CCNB2: variants seen among roughly 807,000 people sequenced by gnomAD.
CCNB2 encodes the protein G2/mitotic-specific cyclin-B2.
A neutral mutation model predicts 51.1 loss-of-function variants in CCNB2; 39 were observed. The ratio of observed to expected loss-of-function variants is 0.76; its 90% CI spans 0.59 to 1.00. The LOEUF (loss-of-function observed/expected upper bound fraction) is 1.00, where lower values mean the gene tolerates loss of function less well. Ranked by LOEUF, CCNB2 falls within the 50% of genes least tolerant of loss-of-function variation. The pLI is 0.00. For synonymous variants in CCNB2, 174 were observed against 165.5 expected (o/e 1.05, Z -0.40); for missense variants, 472 against 470.3 (o/e 1.00, Z -0.03).
intron 3 of CCNB2, among the ~76,000 whole-genome samples, chr15:59,113,262 T>C (rs1164494749): frequency 6.6e-6 from 1 of 152,212 alleles, no homozygotes; most frequent in Non-Finnish European, 1.5e-5. Context: ...AGTTTTTCAA[T>C]TTAGAATAAA....
At chr15:59,114,027 T>G (rs961721381) in intron 3 of CCNB2, among the ~76,000 whole-genome samples, 26 of 152,170 alleles carry the variant, frequency 1.7e-4, no homozygotes, top group African/African-American at 4.8e-5. Context: ...GGAGTTAGGA[T>G]AGACCCCATT....
Position 59,107,327 on chromosome 15 carries a change from C to A in CCNB2, c.30C>A (p.Ser10=). The A allele has an allele frequency of 1.9e-6, 3 of 1,566,420 alleles. No individual in the cohort carries two copies. Among genetic ancestry groups the A allele is most frequent in the South Asian group, 1.2e-5 (1 of 83,940 alleles). The change falls in exon 2 of 9, where the codon TCC becomes TCA. Residue 10 remains serine (S), a synonymous_variant. Transcript: ENST00000288207. The part of the protein sequence containing the change: MALLRRPTV[S]SDLENIDTGV... ...CTTTTTTTTTTTTTTTTCAGGTGTC[C>A]AGTGATTTGGAGAATATTGACACAG...
intron 1 of CCNB2, among the ~76,000 whole-genome samples, chr15:59,107,030 T>C (rs1264230311): frequency 3.3e-5 from 5 of 152,234 alleles, no homozygotes. Context: ...CATTAAATAC[T>C]AATAAGCTTT....
intron 7 of CCNB2, among the ~76,000 whole-genome samples, chr15:59,122,524 CTTTTTT>C (rs547047403): frequency 2.2e-5 from 3 of 138,530 alleles, no homozygotes; most frequent in African/African-American, 8.0e-5. Flanking sequence ...TGCGCCTGGC[CTTTTTT>C]TTTTTTCTTT....
Position 59,107,351 on chromosome 15 carries a change from A to G in CCNB2, c.54A>G (p.Thr18=). The change falls in exon 2 of 9, where the codon ACA becomes ACG. Residue 18 remains threonine (T), a synonymous_variant. Coordinates refer to ENST00000288207, the MANE Select transcript of CCNB2 (RefSeq NM_004701.4). ...TVSSDLENID[T]GVNSKVKSHV... is the part of the protein sequence containing the mutation. The stretch of plus-strand genomic sequence containing the variant: ...CCAGTGATTTGGAGAATATTGACAC[A>G]GGAGTTAATTCTAAAGTTAAGAGTC... The G allele has an allele frequency of 2.5e-6, 4 of 1,610,210 alleles. No individual in the cohort carries two copies. The highest frequency in any genetic ancestry group is 3.4e-6 in the Non-Finnish European group (4 of 1,178,342).
At chr15:59,118,532 A>G (rs1005268105) in intron 7 of CCNB2, among the ~76,000 whole-genome samples, 16 of 152,178 alleles carry the variant, frequency 1.1e-4, no homozygotes, top group Middle Eastern at 3.2e-3. Flanking sequence ...AAAAATACAA[A>G]AATTAGCCAG....
At chr15:59,124,095 G>A (rs28383558) in intron 8 of CCNB2, 1 of 166,178 alleles carries the variant, frequency 6.0e-6, no homozygotes, top group Admixed American at 5.6e-5. Context: ...TAATTAGCAA[G>A]CATGGTTAAG....
intron 7 of CCNB2, among the ~76,000 whole-genome samples, chr15:59,119,643 T>G (rs1223539541): frequency 1.3e-5 from 2 of 152,182 alleles, no homozygotes; most frequent in African/African-American, 4.8e-5. Flanking sequence ...TATTGTAGGA[T>G]AAAACAAATT....
rs774061171 is a variant in CCNB2, at chr15:59,117,282, G to A, written c.889G>A (p.Asp297Asn). The A allele has an allele frequency of 5.6e-6, 9 of 1,613,580 alleles. No individual in the cohort carries two copies. The highest frequency in any genetic ancestry group is 5.0e-5 in the Admixed American group (3 of 60,020). The change falls in exon 7 of 9, where the codon GAC becomes AAC. Residue 297 changes from aspartate (D) to asparagine (N), a missense_variant. Transcript: ENST00000288207. Reference sequence around the variant, plus strand: ...GTATTTGATGGAGCTGACTCTCATCGACTATGATATGGTGCATTATCATCC... The same window carrying A: ...GTATTTGATGGAGCTGACTCTCATCAACTATGATATGGTGCATTATCATCC... ...AKYLMELTLI[D>N]YDMVHYHPSK...
chr15:59,118,641 G>GCTA (rs2079289033), intron 7 of CCNB2, among the ~76,000 whole-genome samples: 1 of 152,220 alleles, frequency 6.6e-6, no homozygotes, highest in African/African-American at 2.4e-5. Context: ...CCAAGATCGT[G>GCTA]CTACTGCACT....
chr15:59,107,329 G>A lies in CCNB2; in HGVS notation c.32G>A (p.Ser11Asn). The A allele has an allele frequency of 1.3e-6, 2 of 1,567,322 alleles. No homozygotes were observed. Among genetic ancestry groups the A allele is most frequent in the Non-Finnish European group, 1.7e-6 (2 of 1,157,396 alleles). ...TTTTTTTTTTTTTTTCAGGTGTCCA[G>A]TGATTTGGAGAATATTGACACAGGA... MALLRRPTVS[S>N]DLENIDTGVN... The change falls in exon 2 of 9, where the codon AGT becomes AAT. Residue 11 changes from serine (S) to asparagine (N), a missense_variant. Physicochemically the swap from Ser to Asn is conservative, Grantham distance 46 (BLOSUM62 1). Transcript: ENST00000288207.
chr15:59,124,349 T>C (rs2140292461), intron 8 of CCNB2: 1 of 212,858 alleles, frequency 4.7e-6, no homozygotes, highest in African/African-American at 2.4e-5. Flanking sequence ...GAGAGGACTG[T>C]CTGGGATTTG....
rs1334621161 is a variant in CCNB2 at position 59,116,744 on chromosome 15, T to C, written c.652T>C (p.Leu218=). The change falls in exon 6 of 9, where the codon TTG becomes CTG. Residue 218 remains leucine (L), a synonymous_variant. Coordinates refer to ENST00000288207, the MANE Select transcript of CCNB2 (RefSeq NM_004701.4). ...ATTAGTTGGGATTACTGCTCTGCTCTTGGCTTCCAAGTATGAGGAGATGTT... is the reference window on the plus strand; with the variant it reads ...ATTAGTTGGGATTACTGCTCTGCTCCTGGCTTCCAAGTATGAGGAGATGTT... ...LQLVGITALL[L]ASKYEEMFSP... The C allele has an allele frequency of 1.9e-6, 3 of 1,613,272 alleles. No homozygotes were observed. Among genetic ancestry groups the C allele is most frequent in the Non-Finnish European group, 2.5e-6 (3 of 1,180,022 alleles).
At chr15:59,111,107 T>C (rs556229028) in intron 3 of CCNB2, among the ~76,000 whole-genome samples, 1 of 152,328 alleles carries the variant, frequency 6.6e-6, no homozygotes, top group East Asian at 1.9e-4. Flanking sequence ...CTTACAATAA[T>C]TAAATTATGT....
At chr15:59,111,744 C>A (rs1479520314) in intron 3 of CCNB2, among the ~76,000 whole-genome samples, 1 of 152,104 alleles carries the variant, frequency 6.6e-6, no homozygotes, top group Non-Finnish European at 1.5e-5. Flanking sequence ...GCCTGTTCAT[C>A]TTCCTTAAGG....
intron 3 of CCNB2, among the ~76,000 whole-genome samples, chr15:59,109,404 A>C (rs548458659): frequency 6.6e-6 from 1 of 152,322 alleles, no homozygotes; most frequent in Admixed American, 6.5e-5. Flanking sequence ...AGGGATAATC[A>C]AGTACTTTTA....
At chr15:59,122,972 A>T (rs992235074) in intron 7 of CCNB2, among the ~76,000 whole-genome samples, 1 of 152,226 alleles carries the variant, frequency 6.6e-6, no homozygotes, top group Admixed American at 6.5e-5. Flanking sequence ...TTTGGTGCTT[A>T]ACTACACAGG....
chr15:59,114,498 G>C lies in CCNB2; in HGVS notation c.322G>C (p.Ala108Pro). 1 of 1,613,832 alleles carries C rather than the reference G, an allele frequency of 6.2e-7. No individual in the cohort carries two copies. The highest frequency in any genetic ancestry group is 8.5e-7 in the Non-Finnish European group (1 of 1,179,882). Residue 108 changes from alanine (A) to proline (P), a missense_variant, in exon 4 of 9, where the codon GCT (alanine) becomes CCT (proline). Transcript: ENST00000288207. ...CATGAAGGAAGAGAATCTCTGCCAA[G>C]CTTTTTCTGATGCCTTGCTCTGCAA... ...VSMKEENLCQ[A>P]FSDALLCKIE...
intron 4 of CCNB2, 34 bp downstream of exon 4, chr15:59,114,648 A>C (rs371430210): frequency 1.3e-6 from 2 of 1,586,560 alleles, no homozygotes; most frequent in African/African-American, 2.7e-5. Flanking sequence ...TTGTATAAGC[A>C]ATGTGGAATT....
Sources: allele counts gnomAD v4.1 joint callset (sites outside exome capture counted in the v4.1 genomes callset), GRCh38; gene constraint gnomAD v4.1.1; transcripts MANE v1.5; gene names NCBI Gene and HGNC (gene_info 2026-07-23, HGNC 2026-07-21).